The following GALNT13 variants were observed in gnomAD, a reference collection of about 807,000 sequenced individuals.
The protein encoded by GALNT13 is polypeptide N-acetylgalactosaminyltransferase 13, also known as UDP-GalNAc:polypeptide N-acetylgalactosaminyltransferase 13.
GALNT13 carries 28 observed loss-of-function variants against 64.2 expected under a neutral mutation model. The ratio of observed to expected loss-of-function variants is 0.44; its 90% confidence interval spans 0.32 to 0.60. GALNT13 has a LOEUF of 0.60. Among genes scored for constraint, GALNT13 ranks in the 20% least tolerant of loss-of-function variants. GALNT13 has a pLI of 0.05. For synonymous variants in GALNT13, 214 were observed against 224.6 expected (o/e 0.95, Z 0.42); for missense variants, 577 against 669.8 (o/e 0.86, Z 1.53).
rs1328147564 is a variant in GALNT13 at position 154,253,399 on chromosome 2, C to A, written c.858-5622C>A. Among the ~76,000 whole-genome samples the A allele has an allele frequency of 2.0e-5, 3 of 152,080 alleles. No homozygotes were observed. The East Asian group carries it at 5.8e-4, about 29-fold the overall frequency. On this transcript the variant is annotated intron_variant, in intron 7 of 12. Coordinates refer to ENST00000392825, the MANE Select transcript of GALNT13 (RefSeq NM_052917.4). ...TCTGTCACAATTTCTGTTGATTTAC[C>A]AACTTCTGGTGAAAAACTCCAGCAT...
the GALNT13 span, among the ~76,000 whole-genome samples, chr2:153,720,459 GAGA>G: frequency 6.6e-6 from 1 of 150,688 alleles, no homozygotes; most frequent in Non-Finnish European, 1.5e-5. Context: ...AAGCTGGATG[GAGA>G]AGGATTTTGA....
the GALNT13 span, among the ~76,000 whole-genome samples, chr2:153,115,402 T>A: frequency 6.6e-5 from 10 of 152,094 alleles, no homozygotes; most frequent in African/African-American, 2.4e-4. Context: ...CATTAGAAAG[T>A]GTTGTCATCA....
the GALNT13 span, among the ~76,000 whole-genome samples, chr2:153,703,151 A>C: frequency 6.6e-6 from 1 of 152,182 alleles, no homozygotes; most frequent in Non-Finnish European, 1.5e-5. Flanking sequence ...AAGCATCTTA[A>C]TAATAGCAGT....
At chr2:153,240,678 T>TA in the GALNT13 span, among the ~76,000 whole-genome samples, 2 of 152,160 alleles carry the variant, frequency 1.3e-5, no homozygotes, top group African/African-American at 4.8e-5. Flanking sequence ...TGGCGAGGTT[T>TA]ATGTAACTGC....
the GALNT13 span, among the ~76,000 whole-genome samples, chr2:153,490,043 C>T: frequency 6.6e-6 from 1 of 151,840 alleles, no homozygotes; most frequent in African/African-American, 2.4e-5. Flanking sequence ...GCAGCTTCAG[C>T]AATGCAACAT....
chr2:153,155,738 G>T, the GALNT13 span, among the ~76,000 whole-genome samples: 1 of 151,850 alleles, frequency 6.6e-6, no homozygotes, highest in Non-Finnish European at 1.5e-5. Flanking sequence ...GTCTGATTCT[G>T]GTTATTTCTT....
chr2:153,074,568 G>A, the GALNT13 span, among the ~76,000 whole-genome samples: 3 of 152,084 alleles, frequency 2.0e-5, no homozygotes, highest in African/African-American at 7.2e-5. Context: ...AATACAATAG[G>A]CAATTGCACT....
intron 3 of GALNT13, among the ~76,000 whole-genome samples, chr2:153,956,775 G>A (rs1304765183): frequency 6.6e-6 from 1 of 151,494 alleles, no homozygotes; most frequent in Non-Finnish European, 1.5e-5. Flanking sequence ...AACCTAGGGA[G>A]GAAGAAATCC....
intron 4 of GALNT13, among the ~76,000 whole-genome samples, chr2:154,168,005 G>A (rs1164284730): frequency 3.9e-5 from 6 of 152,160 alleles, no homozygotes; most frequent in African/African-American, 7.2e-5. Flanking sequence ...CAAGTCAGGT[G>A]GGGAGGGCAT....
the GALNT13 span, among the ~76,000 whole-genome samples, chr2:153,665,384 A>G: frequency 1.3e-5 from 2 of 152,194 alleles, no homozygotes; most frequent in East Asian, 3.9e-4. Context: ...AATAAAGAAA[A>G]TTATAAATAA....
intron 8 of GALNT13, among the ~76,000 whole-genome samples, chr2:154,285,089 T>G (rs1317654741): frequency 6.6e-6 from 1 of 152,168 alleles, no homozygotes; most frequent in Non-Finnish European, 1.5e-5. Flanking sequence ...TTTTTGCTGT[T>G]AAGTTGTTTG....
intron 9 of GALNT13, among the ~76,000 whole-genome samples, chr2:154,358,316 A>G (rs1249195758): frequency 6.6e-6 from 1 of 152,072 alleles, no homozygotes; most frequent in Admixed American, 6.6e-5. Flanking sequence ...GTGAATTTTC[A>G]TATTTGTAGA....
chr2:153,908,162 T>C (rs1688708184), intron 2 of GALNT13, among the ~76,000 whole-genome samples: 1 of 152,150 alleles, frequency 6.6e-6, no homozygotes, highest in South Asian at 2.1e-4. Flanking sequence ...TGATCAGTGA[T>C]AGTGAGCTTT....
At chr2:153,982,774 A>G (rs1694552210) in intron 3 of GALNT13, among the ~76,000 whole-genome samples, 1 of 152,046 alleles carries the variant, frequency 6.6e-6, no homozygotes, top group African/African-American at 2.4e-5. Flanking sequence ...AAGATTTACA[A>G]ATTATCAAAT....
At chr2:153,573,492 G>A in the GALNT13 span, among the ~76,000 whole-genome samples, 16 of 151,824 alleles carry the variant, frequency 1.1e-4, no homozygotes, top group East Asian at 1.4e-3. Context: ...TTTGTTACTC[G>A]TTTTCTGGTA....
chr2:153,199,423 C>T, the GALNT13 span, among the ~76,000 whole-genome samples: 1 of 152,176 alleles, frequency 6.6e-6, no homozygotes, highest in Non-Finnish European at 1.5e-5. Context: ...AGGGTTGAGG[C>T]CACATTGAGG....
chr2:153,687,791 A>G, the GALNT13 span, among the ~76,000 whole-genome samples: 4 of 152,068 alleles, frequency 2.6e-5, no homozygotes, highest in African/African-American at 9.6e-5. Flanking sequence ...TCAGCTCCCA[A>G]ATGTAAGTAC....
the GALNT13 span, among the ~76,000 whole-genome samples, chr2:153,312,838 C>T: frequency 5.9e-5 from 9 of 151,816 alleles, no homozygotes; most frequent in Admixed American, 1.3e-4. Flanking sequence ...TTTAAGAGGT[C>T]GATTTAAAGG....
At chr2:154,216,893 A>G (rs758331659) in intron 4 of GALNT13, among the ~76,000 whole-genome samples, 5 of 149,306 alleles carry the variant, frequency 3.3e-5, no homozygotes, top group African/African-American at 7.4e-5. Flanking sequence ...CATTGCCTCA[A>G]AATCCTGGGC....
Sources: allele counts gnomAD v4.1 joint callset (sites outside exome capture counted in the v4.1 genomes callset), GRCh38; gene constraint gnomAD v4.1.1; transcripts MANE v1.5; gene names NCBI Gene and HGNC (gene_info 2026-07-23, HGNC 2026-07-21).